TOP6BL: variants seen among roughly 807,000 people sequenced by gnomAD.
TOP6BL encodes type 2 DNA topoisomerase 6 subunit B-like.
the TOP6BL span, among the ~76,000 whole-genome samples, chr11:66,775,112 CAAA>C: frequency 3.4e-5 from 2 of 57,994 alleles, no homozygotes; most frequent in Non-Finnish European, 5.8e-5. Flanking sequence ...GACTCTGTCT[CAAA>C]AAAAAAAAAA....
chr11:66,842,860 C>T, the TOP6BL span: 1 of 1,568,898 alleles, frequency 6.4e-7, no homozygotes, highest in African/African-American at 1.4e-5. Flanking sequence ...TACCAGCGGG[C>T]AAGCAGAAAA....
the TOP6BL span, among the ~76,000 whole-genome samples, chr11:66,794,945 C>T: frequency 6.6e-6 from 1 of 152,086 alleles, no homozygotes; most frequent in East Asian, 1.9e-4. Context: ...CCAGCCTGGC[C>T]AACATGGCGA....
chr11:66,809,649 A>G, the TOP6BL span, among the ~76,000 whole-genome samples: 2 of 152,202 alleles, frequency 1.3e-5, no homozygotes, highest in Non-Finnish European at 2.9e-5. Context: ...TATGTTAACA[A>G]TGTTAGGAAC....
the TOP6BL span, chr11:66,762,225 G>T: frequency 1.7e-6 from 1 of 600,048 alleles, no homozygotes. Context: ...GGGCCCGCGA[G>T]GCCGCAGGGG....
chr11:66,784,093 C>T, the TOP6BL span, among the ~76,000 whole-genome samples: 1 of 151,986 alleles, frequency 6.6e-6, no homozygotes, highest in African/African-American at 2.4e-5. Context: ...TGTAGTGGCG[C>T]GATCTCGGCT....
chr11:66,766,627 C>A, the TOP6BL span, among the ~76,000 whole-genome samples: 2 of 152,208 alleles, frequency 1.3e-5, no homozygotes, highest in Admixed American at 6.5e-5. Flanking sequence ...CCCCAAAGTT[C>A]AGTCACCAAT....
At chr11:66,763,219 A>G in the TOP6BL span, among the ~76,000 whole-genome samples, 12,247 of 152,190 alleles carry the variant, frequency 0.08, 578 homozygotes, top group East Asian at 0.14. Context: ...AAGAATGAGG[A>G]CTTAAAAATG....
At chr11:66,840,279 A>T in the TOP6BL span, among the ~76,000 whole-genome samples, 1 of 152,216 alleles carries the variant, frequency 6.6e-6, no homozygotes, top group East Asian at 1.9e-4. Context: ...TTCTTTAAAA[A>T]ATCTACCCAG....
the TOP6BL span, among the ~76,000 whole-genome samples, chr11:66,841,355 A>G: frequency 9.9e-4 from 150 of 152,082 alleles, no homozygotes; most frequent in Non-Finnish European, 1.5e-3. Context: ...TGACCTCGTG[A>G]TCTGCCCGCC....
the TOP6BL span, among the ~76,000 whole-genome samples, chr11:66,830,638 AT>A: frequency 6.6e-6 from 1 of 152,228 alleles, no homozygotes; most frequent in Non-Finnish European, 1.5e-5. Context: ...ATTGATAAAC[AT>A]TTAGCCAGAC....
chr11:66,841,048 CTG>C, the TOP6BL span, among the ~76,000 whole-genome samples: 1 of 151,102 alleles, frequency 6.6e-6, no homozygotes, highest in Non-Finnish European at 1.5e-5. Context: ...GACTTTTAGT[CTG>C]TTTCATGATT....
chr11:66,843,263 G>A, the TOP6BL span: 1 of 1,604,694 alleles, frequency 6.2e-7, no homozygotes. Flanking sequence ...AGCGCCCACC[G>A]ATCCGGAGGC....
chr11:66,760,492 C>A, the TOP6BL span, among the ~76,000 whole-genome samples: 1 of 123,868 alleles, frequency 8.1e-6, no homozygotes, highest in African/African-American at 3.0e-5. Flanking sequence ...AAAATGGCAA[C>A]AACTGGCCAG....
chr11:66,780,234 T>C, the TOP6BL span, among the ~76,000 whole-genome samples: 2 of 152,184 alleles, frequency 1.3e-5, no homozygotes, highest in Non-Finnish European at 2.9e-5. Context: ...TTTTAAATAC[T>C]CAAATACTTA....
At chr11:66,837,360 G>A in the TOP6BL span, among the ~76,000 whole-genome samples, 17 of 150,952 alleles carry the variant, frequency 1.1e-4, no homozygotes, top group African/African-American at 4.1e-4. Flanking sequence ...ATCTCCTGAC[G>A]TCATGATCCG....
the TOP6BL span, among the ~76,000 whole-genome samples, chr11:66,840,057 G>A: frequency 2.6e-5 from 4 of 152,156 alleles, no homozygotes; most frequent in Admixed American, 1.3e-4. Flanking sequence ...ATAATCTGGT[G>A]GAACCCCTGG....
At chr11:66,746,857 A>C in the TOP6BL span, among the ~76,000 whole-genome samples, 1 of 152,032 alleles carries the variant, frequency 6.6e-6, no homozygotes, top group Admixed American at 6.5e-5. Context: ...CCAGCCTGGG[A>C]GTCAGAGTGA....
the TOP6BL span, among the ~76,000 whole-genome samples, chr11:66,793,247 C>G: frequency 6.7e-6 from 1 of 148,756 alleles, no homozygotes; most frequent in East Asian, 2.0e-4. Flanking sequence ...CATCTGTAAT[C>G]GGCTAATTTT....
the TOP6BL span, among the ~76,000 whole-genome samples, chr11:66,790,421 C>T: frequency 6.6e-6 from 1 of 152,224 alleles, no homozygotes; most frequent in South Asian, 2.1e-4. Context: ...GGAAGGGCAT[C>T]TAATCCATGG....
Sources: allele counts gnomAD v4.1 joint callset (sites outside exome capture counted in the v4.1 genomes callset), GRCh38; gene constraint gnomAD v4.1.1; transcripts MANE v1.5; gene names NCBI Gene and HGNC (gene_info 2026-07-23, HGNC 2026-07-21).